The following ETV1 variants were observed in gnomAD, a reference collection of about 807,000 sequenced individuals.
ETV1 encodes the protein ETS variant transcription factor 1, also known as ETS translocation variant 1.
ETV1 carries 27 observed loss-of-function variants against 62.3 expected under a neutral mutation model. The observed-to-expected ratio is 0.43, with a 90% CI of 0.32 to 0.60. ETV1 has a LOEUF of 0.60. Among genes scored for constraint, ETV1 ranks in the 20% least tolerant of loss-of-function variants. The pLI is 0.06. For synonymous variants in ETV1, 222 were observed against 199.6 expected, an observed-to-expected ratio of 1.11 and a Z score of -0.94; for missense variants, 605 against 605.8, an observed-to-expected ratio of 1.00 and a Z score of 0.01.
At chr7:13,938,749 G>C (rs1247165671) in intron 7 of ETV1, among the ~76,000 whole-genome samples, 1 of 152,104 alleles carries the variant, frequency 6.6e-6, no homozygotes, top group African/African-American at 2.4e-5. Context: ...CTAATGTACT[G>C]CTCAGACCTG....
intron 6 of ETV1, among the ~76,000 whole-genome samples, chr7:13,952,889 G>A (rs2128473920): frequency 6.6e-6 from 1 of 152,230 alleles, no homozygotes; most frequent in Admixed American, 6.5e-5. Context: ...TAATATAATG[G>A]TACTTCAGCA....
chr7:13,897,086 C>G (rs775415520), intron 13 of ETV1, among the ~76,000 whole-genome samples: 7 of 150,312 alleles, frequency 4.7e-5, no homozygotes, highest in Non-Finnish European at 7.4e-5. Flanking sequence ...AAATTATAAA[C>G]AACTGAGTGA....
intron 10 of ETV1, chr7:13,910,659 G>C (rs1783470594): frequency 6.4e-6 from 1 of 156,510 alleles, no homozygotes; most frequent in Non-Finnish European, 1.4e-5. Context: ...CCTTTATTGA[G>C]GATTATATCC....
chr7:13,916,817 A>G (rs1033035953), intron 9 of ETV1, among the ~76,000 whole-genome samples: 5 of 152,090 alleles, frequency 3.3e-5, no homozygotes, highest in African/African-American at 1.2e-4. Flanking sequence ...CTGTAGTGCC[A>G]GCTACTCAAG....
intron 6 of ETV1, among the ~76,000 whole-genome samples, chr7:13,961,221 T>A (rs1790131881): frequency 6.6e-6 from 1 of 152,142 alleles, no homozygotes; most frequent in Non-Finnish European, 1.5e-5. Context: ...TGTGAAATAC[T>A]TTGGGTCAAA....
chr7:13,963,444 T>C (rs1790420480), intron 6 of ETV1, among the ~76,000 whole-genome samples: 1 of 151,540 alleles, frequency 6.6e-6, no homozygotes, highest in African/African-American at 2.4e-5. Context: ...AATTTTGTAA[T>C]CACAAAATTC....
intron 9 of ETV1, among the ~76,000 whole-genome samples, chr7:13,919,354 G>C (rs551334852): frequency 6.6e-6 from 1 of 151,524 alleles, no homozygotes; most frequent in East Asian, 1.9e-4. Context: ...AAAACAGATG[G>C]AGCAGTGAAA....
At chr7:13,943,896 C>G (rs567098686) in intron 6 of ETV1, among the ~76,000 whole-genome samples, 1 of 152,116 alleles carries the variant, frequency 6.6e-6, no homozygotes, top group Non-Finnish European at 1.5e-5. Flanking sequence ...GGACATTAAT[C>G]AAAGCTACAC....
rs1248799839 is a variant in ETV1 at position 13,931,507 on chromosome 7, T to C, written c.797A>G (p.Asp266Gly). 1.9e-6 allele frequency: 3 copies of C among 1,613,772 alleles called. No individual in the cohort carries two copies. Among genetic ancestry groups the C allele is most frequent in the Non-Finnish European group, 2.5e-6 (3 of 1,179,846 alleles). ...TGCGCAGAGCGCAGGCCTACCTGAG[T>C]CATATGCAAAATCTCTGGGTTCCTG... is the stretch of plus-strand genomic sequence containing the variant. ...IKQEPRDFAYDSEVPSCHSIY... is the reference protein window; with the variant it reads ...IKQEPRDFAYGSEVPSCHSIY... Residue 266 changes from aspartate (D) to glycine (G), a missense_variant, in exon 9 of 14, where the codon GAC (aspartate) becomes GGC (glycine). Asp to Gly is a moderately conservative substitution (Grantham distance 94). Coordinates refer to ENST00000430479, the MANE Select transcript of ETV1 (RefSeq NM_004956.5).
At chr7:13,958,088 T>C (rs1013640167) in intron 6 of ETV1, among the ~76,000 whole-genome samples, 2 of 152,220 alleles carry the variant, frequency 1.3e-5, no homozygotes, top group Non-Finnish European at 2.9e-5. Flanking sequence ...ATTACTACAT[T>C]TGATTCCACT....
At chr7:13,909,801 C>T in intron 10 of ETV1, 101 bp from the exon 11 acceptor site, 1 of 975,116 alleles carries the variant, frequency 1.0e-6, no homozygotes, top group Admixed American at 2.0e-5. Context: ...GAAAATGACT[C>T]TGCCACCACC....
chr7:13,904,069 T>C (rs77557763), intron 12 of ETV1, among the ~76,000 whole-genome samples: 7,966 of 152,072 alleles, frequency 0.052, 245 homozygotes, highest in South Asian at 0.11. Context: ...TGCTAGGCAG[T>C]AGAGGGAACA....
At chr7:13,978,735 G>T (rs7806670) in intron 5 of ETV1, among the ~76,000 whole-genome samples, 88,646 of 151,552 alleles carry the variant, frequency 0.58, 26,422 homozygotes, top group African/African-American at 0.68. Context: ...ATATAAAAAA[G>T]AATACAATAT....
intron 9 of ETV1, among the ~76,000 whole-genome samples, chr7:13,924,730 G>A (rs746392753): frequency 6.6e-6 from 1 of 152,096 alleles, no homozygotes; most frequent in African/African-American, 2.4e-5. Context: ...TTTAGTTTTG[G>A]CTGCTTCACA....
intron 12 of ETV1, among the ~76,000 whole-genome samples, chr7:13,901,987 C>A (rs1028297349): frequency 6.6e-6 from 1 of 152,128 alleles, no homozygotes; most frequent in African/African-American, 2.4e-5. Flanking sequence ...CTCATCACCA[C>A]CCCAGGCTAG....
chr7:13,894,147 G>T lies in ETV1; in HGVS notation c.*1719C>A, dbSNP rs73273384. The T allele has an allele frequency of 0.021, 4,733 of 223,306 alleles. 191 individuals carry two copies. Among genetic ancestry groups the T allele is most frequent in the African/African-American group, 0.096 (4,088 of 42,648 alleles). 13.8% of individuals were successfully genotyped at this position (223,306 alleles called of 1,614,324 possible). A position where few individuals can be genotyped will look rare whatever the true frequency, so the allele number is the denominator to read the frequency against. ...TACAATAGGTTTATTTTGACTTTGT[G>T]TTTAGAATTTTTTTTTTTTTTTGCT... On this transcript the variant is annotated 3_prime_UTR_variant, in exon 14 of 14. Transcript: ENST00000430479.
At chr7:13,966,778 T>A (rs1043913287) in intron 6 of ETV1, among the ~76,000 whole-genome samples, 1 of 152,216 alleles carries the variant, frequency 6.6e-6, no homozygotes, top group Admixed American at 6.5e-5. Flanking sequence ...ACTCATATAA[T>A]TTCACATTAC....
At chr7:13,904,950 C>A (rs1393876845) in intron 12 of ETV1, among the ~76,000 whole-genome samples, 1 of 147,872 alleles carries the variant, frequency 6.8e-6, no homozygotes, top group Non-Finnish European at 1.5e-5. Flanking sequence ...AACACCCAAA[C>A]GTCATCCTAG....
intron 9 of ETV1, among the ~76,000 whole-genome samples, chr7:13,921,540 C>T (rs981164462): frequency 1.3e-5 from 2 of 152,132 alleles, no homozygotes; most frequent in Non-Finnish European, 2.9e-5. Flanking sequence ...TAAACAGTCC[C>T]TGTGTATATC....
Sources: allele counts gnomAD v4.1 joint callset (sites outside exome capture counted in the v4.1 genomes callset), GRCh38; gene constraint gnomAD v4.1.1; transcripts MANE v1.5; gene names NCBI Gene and HGNC (gene_info 2026-07-23, HGNC 2026-07-21).